The following SMARCC2 variants were observed in gnomAD, a reference collection of about 807,000 sequenced individuals.
SMARCC2 encodes SWI/SNF complex subunit SMARCC2.
Under a neutral mutation model 151.3 loss-of-function variants are expected in SMARCC2, and 15 were observed. The ratio of observed to expected loss-of-function variants is 0.10; its 90% CI spans 0.07 to 0.15. SMARCC2 has a LOEUF of 0.15. Ranked by LOEUF, SMARCC2 falls within the 10% of genes least tolerant of loss-of-function variation. The pLI is 1.00. For missense variants in SMARCC2, 1,031 were observed against 1,599.7 expected (o/e 0.64, Z 6.06); for synonymous variants, 590 against 609.5 (o/e 0.97, Z 0.47).
Position 56,184,941 on chromosome 12 carries a change from G to A in SMARCC2, c.400-5C>T. 2 of 1,609,388 alleles carry A rather than the reference G, an allele frequency of 1.2e-6. No homozygotes were observed. Among genetic ancestry groups the A allele is most frequent in the Non-Finnish European group, 1.7e-6 (2 of 1,175,776 alleles). On this transcript the variant is annotated splice_polypyrimidine_tract_variant and splice_region_variant and intron_variant, in intron 4 of 28. Transcript: ENST00000550164. ...AGGTCGAGACAGGCAATTATTCTGT[G>A]GAGAGAAGAAATAGAATGAGATTAT...
rs1171843395 is a variant in SMARCC2, at chr12:56,169,600, G to C, written c.2644C>G (p.Arg882Gly). 1.2e-6 allele frequency: 2 copies of C among 1,613,888 alleles called. No individual in the cohort carries two copies. The highest frequency in any genetic ancestry group is 1.3e-5 in the African/African-American group (1 of 74,920). The change falls in exon 25 of 29, where the codon CGG becomes GGG. Residue 882 changes from arginine (R) to glycine (G), a missense_variant. Physicochemically the swap from Arg to Gly is moderately radical, Grantham distance 125. Coordinates refer to ENST00000550164, the MANE Select transcript of SMARCC2 (RefSeq NM_001330288.2). ...SEGERKTKVE[R>G]DIGEGNLSTA... ...GAGAGGTTGCCCTCGCCAATGTCCC[G>C]CTCCACCTTTGTCTTCCTTTCCCCC... is the stretch of plus-strand genomic sequence containing the variant.
At position 56,186,236 on chromosome 12, in the gene SMARCC2, T is replaced by A; in HGVS notation, c.236A>T (p.Lys79Ile). 6.2e-7 allele frequency: 1 copy of A among 1,602,562 alleles called. No homozygotes were observed. Among genetic ancestry groups the A allele is most frequent in the Non-Finnish European group, 8.6e-7 (1 of 1,169,498 alleles). ...TCCCGCTTTGAAATCTAGGAAACAT[T>A]TGATCTACAAAATCAAGATACGGAA... ...SNAPLTKLPI[K>I]CFLDFKAGGS... Residue 79 changes from lysine (K) to isoleucine (I), a missense_variant, in exon 3 of 29, where the codon AAA becomes ATA. Around this residue, in one of 12 missense-constraint regions of SMARCC2, gnomAD observed 22 missense variants for 23.4 expected, o/e 0.94. Coordinates refer to ENST00000550164, the MANE Select transcript of SMARCC2 (RefSeq NM_001330288.2).
intron 16 of SMARCC2, 168 bp downstream of exon 16, chr12:56,174,483 G>A (rs777723633): frequency 3.9e-5 from 23 of 587,848 alleles, no homozygotes; most frequent in Non-Finnish European, 6.2e-5. Context: ...GAATGCCATT[G>A]CTAATCCCTC....
chr12:56,187,365 C>T, intron 1 of SMARCC2, 59 bp from the exon 2 acceptor site: 1 of 1,517,068 alleles, frequency 6.6e-7, no homozygotes, highest in Non-Finnish European at 9.1e-7. Context: ...TCCACTATCT[C>T]CCATATTTCT....
chr12:56,179,412 T>C (rs1875676879), intron 11 of SMARCC2, among the ~76,000 whole-genome samples: 1 of 152,222 alleles, frequency 6.6e-6, no homozygotes, highest in South Asian at 2.1e-4. Context: ...AAGCAGAGGA[T>C]ACTTTCCTCA....
At position 56,179,009 on chromosome 12, in the gene SMARCC2, T is replaced by C. The variant is rs768757102; in HGVS notation, c.1129A>G (p.Met377Val). ...SESAPVKGGT[M>V]TDLDEQEDES... is the part of the protein sequence containing the mutation. ...GCTCCTGTCTTACCCAGGTCGGTCA[T>C]GGTGCCGCCTTTGACTGGGGCCGAC... Residue 377 changes from methionine to valine, a missense_variant, in exon 12 of 29, where the codon ATG becomes GTG. Physicochemically the swap from Met to Val is conservative, Grantham distance 21 (BLOSUM62 1). This residue lies in a region of SMARCC2 where 127 missense variants were observed against 141.7 expected (regional missense o/e 0.90). Coordinates refer to ENST00000550164, the MANE Select transcript of SMARCC2 (RefSeq NM_001330288.2). 7 of 1,614,178 alleles carry C rather than the reference T, an allele frequency of 4.3e-6. No individual in the cohort carries two copies. The East Asian group carries it at 1.3e-4, about 31-fold the overall frequency.
At position 56,189,345 on chromosome 12, in the gene SMARCC2, G is replaced by A. The variant is rs757855057; in HGVS notation, c.111+6C>T. 5.4e-6 allele frequency: 8 copies of A among 1,490,856 alleles called. No homozygotes were observed. Among genetic ancestry groups the A allele is most frequent in the South Asian group, 1.2e-5 (1 of 80,102 alleles). 92.4% of individuals were successfully genotyped at this position (1,490,856 alleles called of 1,614,324 possible). The stretch of plus-strand genomic sequence containing the variant: ...GTCCCCGCGCGGCCCGGCCCGGCCC[G>A]CGTACCTTCTTGTAGTTCTTGCCGA... On this transcript the variant is annotated splice_donor_region_variant and intron_variant, in intron 1 of 28. Transcript: ENST00000550164.
Position 56,171,543 on chromosome 12 carries a change from C to CTTT in SMARCC2, c.2186-112_2186-111insAAA. ...GTCTTCATCTAAGCTAGTATGGAGC[C>CTTT]TAGACAGGTGCCTGAGCTGAGGCCC... On this transcript the variant is annotated intron_variant, in intron 21 of 28. Coordinates refer to ENST00000550164, the MANE Select transcript of SMARCC2 (RefSeq NM_001330288.2). The surrounding 1 kb of genome is among the most constrained non-coding windows in gnomAD (Gnocchi z 4.2). The CTTT allele has an allele frequency of 6.6e-7, 1 of 1,512,148 alleles. No individual in the cohort carries two copies. Among genetic ancestry groups the CTTT allele is most frequent in the African/African-American group, 1.4e-5 (1 of 72,606 alleles). 93.7% of individuals were successfully genotyped at this position (1,512,148 alleles called of 1,614,324 possible).
chr12:56,184,545 C>T, intron 5 of SMARCC2: 1 of 535,998 alleles, frequency 1.9e-6, no homozygotes, highest in Non-Finnish European at 3.3e-6. Flanking sequence ...TATAAAGTTC[C>T]AAAGAGCAGG....
chr12:56,169,562 G>A lies in SMARCC2; in HGVS notation c.2682C>T (p.Ala894=), dbSNP rs17852368. 5.8e-3 allele frequency: 9,364 copies of A among 1,614,170 alleles called. 405 individuals carry two copies. The African/African-American group carries it at 0.1, about 18-fold the overall frequency. The part of the protein sequence containing the change: ...IGEGNLSTAA[A]AALAAAAVKA... ...TCACTGCGGCGGCGGCCAGGGCGGC[G>A]GCAGCAGCGGTGGAGAGGTTGCCCT... The change falls in exon 25 of 29, where the codon GCC becomes GCT. Residue 894 remains alanine, a synonymous_variant. Coordinates refer to ENST00000550164, the MANE Select transcript of SMARCC2 (RefSeq NM_001330288.2).
chr12:56,167,142 G>A (rs1395729781), intron 26 of SMARCC2, among the ~76,000 whole-genome samples: 11 of 148,232 alleles, frequency 7.4e-5, no homozygotes, highest in East Asian at 2.0e-4. Flanking sequence ...ACCTGAGATC[G>A]GGAGTTCGAG....
rs780104651 is a variant in SMARCC2, at chr12:56,165,331, G to T, written c.3219C>A (p.Pro1073=). 36 of 1,496,180 alleles carry T rather than the reference G, an allele frequency of 2.4e-5. No homozygotes were observed. Among genetic ancestry groups the T allele is most frequent in the Admixed American group, 7.3e-5 (3 of 40,868 alleles). The allele number at this position is 1,496,180 out of a possible 1,614,324, so 92.7% of individuals were successfully genotyped here. ...CATAACACTTACCATGGGGTCCAGG[G>T]GGGGGAACCCCTGGTGGGACTGCCC... ...QPGAVPPGVP[P]PGPHGPSPFP... Residue 1073 remains proline (P), a synonymous_variant, in exon 27 of 29, where the codon CCC becomes CCA. Coordinates refer to ENST00000550164, the MANE Select transcript of SMARCC2 (RefSeq NM_001330288.2).
At chr12:56,184,395 G>A in intron 5 of SMARCC2, 151 bp from the exon 6 acceptor site, 7 of 604,548 alleles carry the variant, frequency 1.2e-5, no homozygotes, top group South Asian at 2.1e-5. Context: ...AGTGGCAGAG[G>A]GAAACAGCTG....
intron 6 of SMARCC2, 113 bp from the exon 7 acceptor site, chr12:56,184,043 T>C (rs1876770566): frequency 3.8e-6 from 4 of 1,041,680 alleles, no homozygotes; most frequent in African/African-American, 3.2e-5. Flanking sequence ...GACTTGGTAA[T>C]AGGAACTTAA....
intron 3 of SMARCC2, 54 bp downstream of exon 3, chr12:56,186,101 A>G (rs1877179907): frequency 7.9e-7 from 1 of 1,263,788 alleles, no homozygotes; most frequent in Non-Finnish European, 1.2e-6. Context: ...AGGGAATCAA[A>G]AAGGGGGATT....
chr12:56,171,779 G>A lies in SMARCC2; in HGVS notation c.2085C>T (p.Ile695=). 2.5e-6 allele frequency: 4 copies of A among 1,613,632 alleles called. No homozygotes were observed. The highest frequency in any genetic ancestry group is 3.4e-6 in the Non-Finnish European group (4 of 1,179,722). ...CAGGGTTGCCCGACTGACTGAAGGG[G>A]ATGGGTTGGTAGGCCAGGGGGCCTA... ...ASLGPLAYQP[I]PFSQSGNPVM... is the part of the protein sequence containing the mutation. The change falls in exon 21 of 29, where the codon ATC becomes ATT. Residue 695 remains isoleucine, a synonymous_variant. Transcript: ENST00000550164. This position sits in a 1 kb window ranked among gnomAD's most constrained non-coding sequence, Gnocchi z 4.2.
Position 56,168,199 on chromosome 12 carries a change from G to C in SMARCC2, c.2716-5C>G. The C allele has an allele frequency of 6.2e-7, 1 of 1,614,004 alleles. No individual in the cohort carries two copies. The highest frequency in any genetic ancestry group is 8.5e-7 in the Non-Finnish European group (1 of 1,179,968). ...TTCCTCAACAGCAGCCAAGTGCTAG[G>C]GAAGGAGGGGCGAGACAGCACATCA... On this transcript the variant is annotated splice_polypyrimidine_tract_variant and splice_region_variant and intron_variant, in intron 25 of 28. Transcript: ENST00000550164.
intron 2 of SMARCC2, 88 bp downstream of exon 2, chr12:56,187,099 T>C: frequency 7.1e-7 from 1 of 1,407,350 alleles, no homozygotes; most frequent in Non-Finnish European, 9.7e-7. Flanking sequence ...AATTACAAAA[T>C]TCACAAATCT....
At position 56,169,861 on chromosome 12, in the gene SMARCC2, G is replaced by A. The variant is rs1873572003; in HGVS notation, c.2463C>T (p.Thr821=). The A allele has an allele frequency of 6.2e-7, 1 of 1,613,912 alleles. No homozygotes were observed. The highest frequency in any genetic ancestry group is 2.2e-5 in the East Asian group (1 of 44,884). ...GAIEEEAKEK[T]SEAPKKDEEK... ...CCTCATCCTTCTTGGGAGCCTCGCT[G>A]GTTTTCTCTTTTGCTTCCTCCTCTA... The change falls in exon 24 of 29, where the codon ACC becomes ACT. Residue 821 remains threonine, a synonymous_variant. Transcript: ENST00000550164.
Sources: allele counts gnomAD v4.1 joint callset (sites outside exome capture counted in the v4.1 genomes callset), GRCh38; gene constraint gnomAD v4.1.1; regional missense constraint gnomAD v4.1.1; non-coding constraint Gnocchi (gnomAD v3.1); transcripts MANE v1.5; gene names NCBI Gene and HGNC (gene_info 2026-07-23, HGNC 2026-07-21).